The following CFAP210 variants were observed in gnomAD, a reference collection of about 807,000 sequenced individuals.
CFAP210 encodes the protein cilia and flagella associated protein 210, also known as cilia- and flagella- associated protein 210.
the CFAP210 span, among the ~76,000 whole-genome samples, chr2:169,667,037 T>C: frequency 1.1e-4 from 17 of 152,200 alleles, no homozygotes; most frequent in Admixed American, 7.2e-4. Context: ...CACTGAAGTC[T>C]TGAACCCCTC....
chr2:169,659,152 T>C, the CFAP210 span: 2 of 152,130 alleles, frequency 1.3e-5, no homozygotes, highest in East Asian at 1.9e-4. Context: ...CAGGAAGATA[T>C]GTTACCTTTG....
At chr2:169,646,243 A>G in the CFAP210 span, 1 of 1,197,132 alleles carries the variant, frequency 8.4e-7, no homozygotes, top group Non-Finnish European at 1.2e-6. Flanking sequence ...CTTTCTAAAT[A>G]TACATAGCAT....
the CFAP210 span, among the ~76,000 whole-genome samples, chr2:169,684,678 G>A: frequency 2.6e-5 from 4 of 152,106 alleles, no homozygotes; most frequent in South Asian, 8.3e-4. Context: ...TTGTTGAGAT[G>A]AGTCTGTCTC....
the CFAP210 span, among the ~76,000 whole-genome samples, chr2:169,675,661 T>C: frequency 6.6e-6 from 1 of 152,188 alleles, no homozygotes; most frequent in Admixed American, 6.5e-5. Context: ...GGGAATTACA[T>C]TTCAATATGA....
At chr2:169,668,287 T>G in the CFAP210 span, among the ~76,000 whole-genome samples, 2 of 152,224 alleles carry the variant, frequency 1.3e-5, no homozygotes, top group Non-Finnish European at 2.9e-5. Context: ...AGTTAGGACC[T>G]CATTCTGGAT....
the CFAP210 span, among the ~76,000 whole-genome samples, chr2:169,676,988 C>T: frequency 6.6e-6 from 1 of 152,152 alleles, no homozygotes; most frequent in South Asian, 2.1e-4. Flanking sequence ...GGGGACACCT[C>T]CCCATTTCAA....
the CFAP210 span, among the ~76,000 whole-genome samples, chr2:169,657,011 A>AGAAGGTGTC: frequency 6.6e-6 from 1 of 150,966 alleles, no homozygotes; most frequent in African/African-American, 2.4e-5. Context: ...AAAAAAGAGA[A>AGAAGGTGTC]GAAGGTGTCG....
chr2:169,691,687 ATTTCT>A, the CFAP210 span, among the ~76,000 whole-genome samples: 2 of 151,766 alleles, frequency 1.3e-5, no homozygotes, highest in Non-Finnish European at 2.9e-5. Flanking sequence ...GTCATACTTT[ATTTCT>A]TTTCATCTTT....
At chr2:169,658,476 T>C in the CFAP210 span, 1 of 152,882 alleles carries the variant, frequency 6.5e-6, no homozygotes, top group Non-Finnish European at 1.5e-5. Context: ...GAGACCCCAA[T>C]AATTAGCTGC....
chr2:169,672,590 T>C, the CFAP210 span, among the ~76,000 whole-genome samples: 1 of 152,168 alleles, frequency 6.6e-6, no homozygotes, highest in South Asian at 2.1e-4. Flanking sequence ...CGGAAGAACC[T>C]GGAATCTGAT....
the CFAP210 span, chr2:169,654,009 T>A: frequency 6.9e-7 from 1 of 1,439,358 alleles, no homozygotes; most frequent in Non-Finnish European, 9.3e-7. Flanking sequence ...AAGACTACTG[T>A]CATAATAATC....
chr2:169,686,274 C>T, the CFAP210 span, among the ~76,000 whole-genome samples: 3 of 152,016 alleles, frequency 2.0e-5, no homozygotes, highest in African/African-American at 7.2e-5. Context: ...ATTGTTTTAG[C>T]TATTCTATTG....
the CFAP210 span, among the ~76,000 whole-genome samples, chr2:169,679,701 A>G: frequency 6.6e-6 from 1 of 150,824 alleles, no homozygotes; most frequent in Non-Finnish European, 1.5e-5. Context: ...AAAAAAAAAA[A>G]AAGGTGCCAG....
chr2:169,650,327 A>G, the CFAP210 span: 1 of 1,573,650 alleles, frequency 6.4e-7, no homozygotes, highest in Non-Finnish European at 8.6e-7. Flanking sequence ...TGAATTGTTT[A>G]CCACAATGGC....
chr2:169,692,274 T>C, the CFAP210 span, among the ~76,000 whole-genome samples: 1 of 152,178 alleles, frequency 6.6e-6, no homozygotes, highest in Non-Finnish European at 1.5e-5. Flanking sequence ...TATAACAGAA[T>C]ACCTGAGACT....
the CFAP210 span, chr2:169,649,427 T>C: frequency 5.1e-5 from 67 of 1,319,116 alleles, no homozygotes; most frequent in Admixed American, 1.3e-4. Context: ...AGTCAGAGAG[T>C]TGAAGCAGAG....
chr2:169,650,615 T>G, the CFAP210 span: 1 of 1,353,128 alleles, frequency 7.4e-7, no homozygotes, highest in African/African-American at 1.5e-5. Context: ...TATTTTGCAG[T>G]CTCTTACAAA....
At chr2:169,645,986 C>T in the CFAP210 span, 9 of 1,613,828 alleles carry the variant, frequency 5.6e-6, no homozygotes, top group South Asian at 2.2e-5. Context: ...CACTGGTCCA[C>T]GGCCACCTCC....
the CFAP210 span, among the ~76,000 whole-genome samples, chr2:169,650,734 CTGTGTGTGTGTG>C: frequency 2.1e-3 from 311 of 147,204 alleles, 3 homozygotes; most frequent in South Asian, 0.015. Context: ...TATGTATAAT[CTGTGTGTGTGTG>C]TGTGTGTGTG....
Sources: gnomAD v4.1 joint callset for allele counts (sites outside exome capture counted in the v4.1 genomes callset) on GRCh38, gnomAD v4.1.1 for gene constraint, MANE v1.5 for transcripts, NCBI Gene and HGNC (gene_info 2026-07-23, HGNC 2026-07-21) for gene names.